Variants in STEEP1 observed in about 807,000 individuals in gnomAD.
STEEP1 encodes the protein STING1 ER exit protein 1, also known as STING ER exit protein.
Under a neutral mutation model 19.2 loss-of-function variants are expected in STEEP1, and 3 were observed. The ratio of observed to expected loss-of-function variants is 0.16; its 90% CI spans 0.07 to 0.40. STEEP1 has a LOEUF of 0.40. Among genes scored for constraint, STEEP1 ranks in the 10% least tolerant of loss-of-function variants. The pLI is 0.99. For synonymous variants in STEEP1, 46 were observed against 63.7 expected, an observed-to-expected ratio of 0.72 and a Z score of 1.32; for missense variants, 54 against 177.1, an observed-to-expected ratio of 0.30 and a Z score of 3.94.
intron 2 of STEEP1, among the ~76,000 whole-genome samples, chrX:119,545,805 A>G (rs2053199562): frequency 9.3e-6 from 1 of 108,107 alleles, no homozygotes; most frequent in Non-Finnish European, 1.9e-5. Flanking sequence ...AGGCAGGAGA[A>G]TTGCTTGAAC....
chrX:119,549,897 A>G (rs1812890117), intron 2 of STEEP1, among the ~76,000 whole-genome samples: 1 of 111,938 alleles, frequency 8.9e-6, no homozygotes, highest in Admixed American at 9.6e-5. Context: ...CACATAAACT[A>G]ACATCATACT....
chrX:119,542,047 TTTCTTTTC>T (rs2053164890), intron 5 of STEEP1, among the ~76,000 whole-genome samples: 1 of 67,301 alleles, frequency 1.5e-5, no homozygotes, highest in Admixed American at 1.9e-4. Flanking sequence ...CAGAGTTTCT[TTTCTTTTC>T]TTTTTTTTTT....
chrX:119,556,031 T>G (rs1032041311), intron 2 of STEEP1, among the ~76,000 whole-genome samples: 27 of 111,916 alleles, frequency 2.4e-4, no homozygotes, highest in African/African-American at 8.1e-4. Flanking sequence ...GACCCAAGGA[T>G]AGCAGGGCAA....
chrX:119,541,633 C>T (rs2053161602), intron 5 of STEEP1, among the ~76,000 whole-genome samples: 2 of 112,244 alleles, frequency 1.8e-5, no homozygotes, highest in Non-Finnish European at 3.8e-5. Flanking sequence ...GAGACAGAGA[C>T]TGACTCTGTT....
At chrX:119,541,893 A>C (rs1167165606) in intron 5 of STEEP1, among the ~76,000 whole-genome samples, 1 of 111,418 alleles carries the variant, frequency 9.0e-6, no homozygotes, top group East Asian at 2.8e-4. Flanking sequence ...TTCTCAAATT[A>C]AGAGGGATGA....
At position 119,544,413 on chromosome X, in the gene STEEP1, C is replaced by A; in HGVS notation, c.363G>T (p.Lys121Asn). 1.7e-6 allele frequency: 2 copies of A among 1,208,111 alleles called. No homozygotes were observed. Among genetic ancestry groups the A allele is most frequent in the Non-Finnish European group, 2.2e-6 (2 of 892,301 alleles). ...TCGTTTTCCCAAAGCCCTGGCCAAA[C>A]TTGACTACTGCTCCATCCACAATGA... ...VTFIVDGAVV[K>N]FGQGFGKTNI... The change falls in exon 4 of 7, where the codon AAG becomes AAT. Residue 121 changes from lysine (K) to asparagine (N), a missense_variant. Lys to Asn is a moderately conservative substitution (Grantham distance 94, BLOSUM62 0). Transcript: ENST00000644802.
At chrX:119,553,561 A>C (rs1166542054) in intron 2 of STEEP1, among the ~76,000 whole-genome samples, 1 of 111,590 alleles carries the variant, frequency 9.0e-6, no homozygotes, top group Admixed American at 9.6e-5. Flanking sequence ...CATCATCTTT[A>C]ATGTTCTGCC....
chrX:119,558,486 G>A lies in STEEP1; in HGVS notation c.242+1782C>T, dbSNP rs776947830. On this transcript the variant is annotated intron_variant, in intron 2 of 6. Coordinates refer to ENST00000644802, the MANE Select transcript of STEEP1 (RefSeq NM_022101.4). ...TGGGAGGCAGAGCTTGCAGTGAGCC[G>A]AGATCGCGCCACTGTACTCCAGCCT... is the stretch of plus-strand genomic sequence containing the variant. Among the ~76,000 whole-genome samples the A allele has an allele frequency of 2.5e-3, 277 of 111,315 alleles. 1 individual carries two copies. The highest frequency in any genetic ancestry group is 4.2e-3 in the Non-Finnish European group (223 of 52,917).
At chrX:119,544,204 A>T in intron 4 of STEEP1, 149 bp downstream of exon 4, 1 of 444,550 alleles carries the variant, frequency 2.2e-6, no homozygotes, top group Non-Finnish European at 3.6e-6. Context: ...ATAAAGAAAA[A>T]AGAAATAAAA....
At chrX:119,565,205 A>T in intron 1 of STEEP1, 27 bp downstream of exon 1, 1 of 1,189,264 alleles carries the variant, frequency 8.4e-7, no homozygotes, top group Non-Finnish European at 1.1e-6. Context: ...CTCCTTGCAG[A>T]CGCCCCCGCA....
chrX:119,542,489 G>A lies in STEEP1; in HGVS notation c.513+16C>T. 2 of 1,160,561 alleles carry A rather than the reference G, an allele frequency of 1.7e-6. No individual in the cohort carries two copies. Among genetic ancestry groups the A allele is most frequent in the South Asian group, 1.8e-5 (1 of 55,601 alleles). ...TCTCCCCAAATTCCAGTTTCCTTAAGACCAGAGACACTTACAGCCTCAATC... is the reference window on the plus strand; with the variant it reads ...TCTCCCCAAATTCCAGTTTCCTTAAAACCAGAGACACTTACAGCCTCAATC... On this transcript the variant is annotated intron_variant, in intron 5 of 6. Transcript: ENST00000644802.
At chrX:119,541,784 T>C (rs2053162593) in intron 5 of STEEP1, among the ~76,000 whole-genome samples, 1 of 111,812 alleles carries the variant, frequency 8.9e-6, no homozygotes, top group Non-Finnish European at 1.9e-5. Context: ...AATATCGTTA[T>C]ACTGAAGAAC....
At chrX:119,553,607 T>C (rs760501374) in intron 2 of STEEP1, among the ~76,000 whole-genome samples, 11 of 111,234 alleles carry the variant, frequency 9.9e-5, no homozygotes, top group East Asian at 2.8e-4. Context: ...TCAAAGGTGC[T>C]CCAATTCATT....
At chrX:119,543,556 G>A (rs1409410935) in intron 4 of STEEP1, among the ~76,000 whole-genome samples, 1 of 110,134 alleles carries the variant, frequency 9.1e-6, no homozygotes, top group Non-Finnish European at 1.9e-5. Flanking sequence ...AATCATAGCT[G>A]ACTGTAACCT....
intron 2 of STEEP1, among the ~76,000 whole-genome samples, chrX:119,545,771 T>C (rs2053199224): frequency 9.1e-6 from 1 of 109,300 alleles, no homozygotes; most frequent in African/African-American, 3.3e-5. Flanking sequence ...TGCATGCCTA[T>C]AATCTCAGCT....
intron 6 of STEEP1, among the ~76,000 whole-genome samples, chrX:119,540,200 T>C (rs1242517780): frequency 4.5e-5 from 5 of 112,354 alleles, no homozygotes; most frequent in Non-Finnish European, 9.4e-5. Context: ...ACACAAAATA[T>C]GTACAAAAAT....
At chrX:119,539,870 C>A in intron 6 of STEEP1, 81 bp from the exon 7 acceptor site, 1 of 716,828 alleles carries the variant, frequency 1.4e-6, no homozygotes, top group Non-Finnish European at 2.1e-6. Context: ...CCCAAACACT[C>A]TCCCTTAATG....
chrX:119,542,727 C>T, intron 4 of STEEP1, 133 bp from the exon 5 acceptor site: 2 of 396,126 alleles, frequency 5.0e-6, no homozygotes, highest in Non-Finnish European at 9.0e-6. Context: ...GACAGGATGA[C>T]CTATTTAAAA....
chrX:119,548,559 C>CAAAAATT (rs1472320657), intron 2 of STEEP1, among the ~76,000 whole-genome samples: 2 of 80,411 alleles, frequency 2.5e-5, no homozygotes, highest in African/African-American at 9.3e-5. Context: ...AAAAAAAAGA[C>CAAAAATT]AAAAATTAAA....
Sources: allele counts gnomAD v4.1 joint callset (sites outside exome capture counted in the v4.1 genomes callset), GRCh38; gene constraint gnomAD v4.1.1; transcripts MANE v1.5; gene names NCBI Gene and HGNC (gene_info 2026-07-23, HGNC 2026-07-21).